WDFY2: variants seen among roughly 807,000 people sequenced by gnomAD.
WDFY2 encodes WD repeat and FYVE domain containing 2.
Under a neutral mutation model 56.4 loss-of-function variants are expected in WDFY2, and 36 were observed. The observed-to-expected ratio is 0.64, with a 90% CI of 0.49 to 0.84. WDFY2 has a LOEUF of 0.84. Ranked by LOEUF, WDFY2 falls within the 40% of genes least tolerant of loss-of-function variation. The pLI is 0.00. For synonymous variants in WDFY2, 176 were observed against 183.7 expected, an observed-to-expected ratio of 0.96 and a Z score of 0.34; for missense variants, 444 against 512.2, an observed-to-expected ratio of 0.87 and a Z score of 1.29.
chr13:51,603,571 G>A (rs1158799785), intron 1 of WDFY2, among the ~76,000 whole-genome samples: 1 of 152,172 alleles, frequency 6.6e-6, no homozygotes, highest in Non-Finnish European at 1.5e-5. Flanking sequence ...ACATTCTAAT[G>A]TAAGAAATTT....
intron 1 of WDFY2, among the ~76,000 whole-genome samples, chr13:51,635,661 G>C (rs942868414): frequency 6.6e-6 from 1 of 152,126 alleles, no homozygotes; most frequent in African/African-American, 2.4e-5. Context: ...TCTTCCCCAT[G>C]GCTTGGGAAC....
chr13:51,625,086 T>G (rs1954815191), intron 1 of WDFY2, among the ~76,000 whole-genome samples: 1 of 152,114 alleles, frequency 6.6e-6, no homozygotes, highest in Non-Finnish European at 1.5e-5. Flanking sequence ...GCTAACTAGG[T>G]GCAGGGTGGG....
rs1252085573 is a variant in WDFY2 at position 51,764,664 on chromosome 13, A to G, written c.*4895A>G. ...GGCTCCTCCTGCAGCCAATGCTACT[A>G]TTAGTTTATATTATAATAGTATCAG... On this transcript the variant is annotated 3_prime_UTR_variant, in exon 12 of 12. Coordinates refer to ENST00000298125, the MANE Select transcript of WDFY2 (RefSeq NM_052950.4). The G allele has an allele frequency of 6.6e-6, 1 of 152,216 alleles. No homozygotes were observed. The highest frequency in any genetic ancestry group is 2.4e-5 in the African/African-American group (1 of 41,454). 9.4% of individuals were successfully genotyped at this position (152,216 alleles called of 1,614,324 possible). A position where few individuals can be genotyped will look rare whatever the true frequency, so the allele number is the denominator to read the frequency against.
intron 1 of WDFY2, among the ~76,000 whole-genome samples, chr13:51,605,509 A>G (rs931140707): frequency 5.9e-5 from 9 of 152,246 alleles, no homozygotes; most frequent in African/African-American, 1.9e-4. Flanking sequence ...TGAAAGTTCA[A>G]TAGAGTATCA....
intron 3 of WDFY2, among the ~76,000 whole-genome samples, chr13:51,689,210 G>A (rs1281002410): frequency 1.3e-5 from 2 of 152,150 alleles, no homozygotes; most frequent in Non-Finnish European, 2.9e-5. Flanking sequence ...CTTGCAGTCA[G>A]TGTTGGGGAA....
At chr13:51,730,979 T>A (rs1952710182) in intron 6 of WDFY2, among the ~76,000 whole-genome samples, 1 of 152,138 alleles carries the variant, frequency 6.6e-6, no homozygotes, top group Non-Finnish European at 1.5e-5. Context: ...ATTAAAGAGT[T>A]TGAAGCAAAG....
intron 4 of WDFY2, among the ~76,000 whole-genome samples, chr13:51,715,993 G>C (rs570929100): frequency 2.0e-5 from 3 of 152,180 alleles, no homozygotes; most frequent in Non-Finnish European, 2.9e-5. Context: ...ATGTCCATCA[G>C]TGATGAATGG....
At chr13:51,658,985 G>A (rs1955562876) in intron 1 of WDFY2, among the ~76,000 whole-genome samples, 1 of 151,986 alleles carries the variant, frequency 6.6e-6, no homozygotes, top group Non-Finnish European at 1.5e-5. Context: ...GGAGTGTAAT[G>A]GCGCCATCTT....
intron 1 of WDFY2, chr13:51,591,583 A>C (rs1425190167): frequency 6.6e-6 from 1 of 152,236 alleles, no homozygotes; most frequent in Non-Finnish European, 1.5e-5. Flanking sequence ...ATATGACAGA[A>C]ACAAAGGTTT....
Position 51,739,162 on chromosome 13 carries a change from C to T in WDFY2, c.712C>T (p.Leu238Phe). 5 of 1,589,862 alleles carry T rather than the reference C, an allele frequency of 3.1e-6. No homozygotes were observed. Among genetic ancestry groups the T allele is most frequent in the Non-Finnish European group, 4.3e-6 (5 of 1,168,568 alleles). ...IGGRKGTAIE[L>F]QGHNDRVQAL... ...TGGGAGAAAAGGAACAGCCATCGAG[C>T]TCCAAGGACACAAGTAAGGTTGCTG... The change falls in exon 7 of 12, where the codon CTC becomes TTC. Residue 238 changes from leucine to phenylalanine, a missense_variant. By Grantham distance (22) the Leu-to-Phe change is conservative. Transcript: ENST00000298125.
chr13:51,757,444 C>A (rs1953422518), intron 10 of WDFY2, among the ~76,000 whole-genome samples: 1 of 144,416 alleles, frequency 6.9e-6, no homozygotes. Flanking sequence ...GCAGATTTAG[C>A]TATAGAAAAA....
At chr13:51,670,773 G>A (rs1955794195) in intron 2 of WDFY2, among the ~76,000 whole-genome samples, 1 of 151,916 alleles carries the variant, frequency 6.6e-6, no homozygotes. Context: ...GTGGTGCTTG[G>A]TTACATGAAA....
chr13:51,724,299 A>G (rs1443528371), intron 5 of WDFY2, among the ~76,000 whole-genome samples: 1 of 133,064 alleles, frequency 7.5e-6, no homozygotes, highest in African/African-American at 2.9e-5. Flanking sequence ...GTGCAATGGC[A>G]CTATCTCAGC....
intron 1 of WDFY2, among the ~76,000 whole-genome samples, chr13:51,659,270 G>T (rs764358805): frequency 3.9e-5 from 6 of 152,154 alleles, no homozygotes; most frequent in Non-Finnish European, 8.8e-5. Flanking sequence ...AGTGGGGCAG[G>T]TGGCAGATAT....
At chr13:51,689,851 A>G (rs996922577) in intron 3 of WDFY2, among the ~76,000 whole-genome samples, 2 of 152,202 alleles carry the variant, frequency 1.3e-5, no homozygotes, top group Non-Finnish European at 1.5e-5. Flanking sequence ...ACATCAAGTC[A>G]GTCACTGAAA....
chr13:51,658,912 A>G (rs754622107), intron 1 of WDFY2, among the ~76,000 whole-genome samples: 29 of 151,832 alleles, frequency 1.9e-4, no homozygotes, highest in Non-Finnish European at 3.1e-4. Flanking sequence ...CTAATTATTT[A>G]TTTATTTATT....
At position 51,764,625 on chromosome 13, in the gene WDFY2, G is replaced by A. The variant is rs1252826865; in HGVS notation, c.*4856G>A. 1 of 152,288 alleles carries A rather than the reference G, an allele frequency of 6.6e-6. No individual in the cohort carries two copies. Among genetic ancestry groups the A allele is most frequent in the African/African-American group, 2.4e-5 (1 of 41,452 alleles). The allele number at this position is 152,288 out of a possible 1,614,324, so 9.4% of individuals were successfully genotyped here. A position where few individuals can be genotyped will look rare whatever the true frequency, so the allele number is the denominator to read the frequency against. ...GAAAGCAGCACACAGCTCACCACGA[G>A]GGGTTTCCCCAGAGGCTCCTCCTGC... On this transcript the variant is annotated 3_prime_UTR_variant, in exon 12 of 12. Transcript: ENST00000298125.
chr13:51,737,550 T>TAA (rs1566207262), intron 6 of WDFY2, among the ~76,000 whole-genome samples: 6 of 49,564 alleles, frequency 1.2e-4, no homozygotes, highest in East Asian at 5.3e-4. Flanking sequence ...GACAATGAAT[T>TAA]TAAAAAAAAA....
At chr13:51,725,150 C>T (rs534705724) in intron 5 of WDFY2, among the ~76,000 whole-genome samples, 6 of 152,184 alleles carry the variant, frequency 3.9e-5, no homozygotes, top group African/African-American at 7.2e-5. Context: ...CTTTTATCTT[C>T]GGCTGAAAAT....
Sources: gnomAD v4.1 joint callset for allele counts (sites outside exome capture counted in the v4.1 genomes callset) on GRCh38, gnomAD v4.1.1 for gene constraint, MANE v1.5 for transcripts, NCBI Gene and HGNC (gene_info 2026-07-23, HGNC 2026-07-21) for gene names.